The following CNTLN variants were observed in gnomAD, a reference collection of about 807,000 sequenced individuals.
CNTLN encodes the protein centlein, centrosomal protein.
Under a neutral mutation model 180.0 loss-of-function variants are expected in CNTLN, and 212 were observed. The ratio of observed to expected loss-of-function variants is 1.18; its 90% confidence interval spans 1.05 to 1.32. The LOEUF (loss-of-function observed/expected upper bound fraction) is 1.32. Ranked by LOEUF, CNTLN falls within the 40% of genes most tolerant of loss-of-function variation. CNTLN has a pLI of 0.00. For missense variants in CNTLN, 2,095 were observed against 1,610.9 expected, an observed-to-expected ratio of 1.30 and a Z score of -5.14; for synonymous variants, 722 against 563.1, an observed-to-expected ratio of 1.28 and a Z score of -3.99.
At chr9:17,151,968 C>G (rs564011061) in intron 2 of CNTLN, among the ~76,000 whole-genome samples, 1 of 152,262 alleles carries the variant, frequency 6.6e-6, no homozygotes, top group African/African-American at 2.4e-5. Flanking sequence ...ATAGTATTCT[C>G]TGATGGTAGT....
At chr9:17,271,901 C>T (rs1827973712) in intron 5 of CNTLN, among the ~76,000 whole-genome samples, 1 of 152,056 alleles carries the variant, frequency 6.6e-6, no homozygotes, top group African/African-American at 2.4e-5. Flanking sequence ...TTCATTTTAG[C>T]TGCCTGGTTG....
At chr9:17,144,836 ATTTTATTTTTTTTT>A (rs1818338957) in intron 2 of CNTLN, among the ~76,000 whole-genome samples, 1 of 149,492 alleles carries the variant, frequency 6.7e-6, no homozygotes, top group East Asian at 1.9e-4. Context: ...TATTTTTTTT[ATTTTATTTTTTTTT>A]TTGAGACGGA....
chr9:17,356,216 A>G (rs1461701875), intron 12 of CNTLN, among the ~76,000 whole-genome samples: 2 of 152,206 alleles, frequency 1.3e-5, no homozygotes, highest in African/African-American at 4.8e-5. Context: ...TTTTAAAGAA[A>G]GACAATGAAC....
the CNTLN span, among the ~76,000 whole-genome samples, chr9:17,519,136 C>G: frequency 2.1e-5 from 3 of 140,346 alleles, no homozygotes; most frequent in African/African-American, 3.2e-5. Flanking sequence ...TTATGTTTCC[C>G]AGACTGGTCT....
At chr9:17,369,445 C>G (rs1824119850) in intron 13 of CNTLN, among the ~76,000 whole-genome samples, 2 of 151,896 alleles carry the variant, frequency 1.3e-5, no homozygotes, top group Non-Finnish European at 2.9e-5. Flanking sequence ...GGGATCAATA[C>G]TGCAGAAACA....
chr9:17,461,790 A>G (rs1308531774), intron 19 of CNTLN, among the ~76,000 whole-genome samples: 1 of 151,592 alleles, frequency 6.6e-6, no homozygotes, highest in Non-Finnish European at 1.5e-5. Context: ...AACTTAACAA[A>G]TGGATTAATG....
At chr9:17,346,300 A>C (rs533384325) in intron 12 of CNTLN, among the ~76,000 whole-genome samples, 5 of 152,012 alleles carry the variant, frequency 3.3e-5, no homozygotes, top group Non-Finnish European at 5.9e-5. Flanking sequence ...CCCATGATCC[A>C]ATCATGGGGA....
chr9:17,164,311 CAAAAAAAAAA>C (rs774854028), intron 2 of CNTLN, among the ~76,000 whole-genome samples: 1 of 51,782 alleles, frequency 1.9e-5, no homozygotes, highest in African/African-American at 6.9e-5. Flanking sequence ...GACTCTGTCT[CAAAAAAAAAA>C]AAAAAAAAAG....
At chr9:17,267,072 C>G (rs530869148) in intron 5 of CNTLN, among the ~76,000 whole-genome samples, 1 of 152,060 alleles carries the variant, frequency 6.6e-6, no homozygotes, top group Non-Finnish European at 1.5e-5. Flanking sequence ...TGAATTTGGG[C>G]CTGTCATTAT....
chr9:17,304,531 A>G (rs943067171), intron 7 of CNTLN, among the ~76,000 whole-genome samples: 1 of 152,140 alleles, frequency 6.6e-6, no homozygotes, highest in Non-Finnish European at 1.5e-5. Context: ...AGGAGTTAGC[A>G]TATTAAATTA....
chr9:17,299,636 C>T, intron 7 of CNTLN: 1 of 985,392 alleles, frequency 1.0e-6, no homozygotes. Context: ...TCTTCCACTT[C>T]AGCTAGAGCA....
At chr9:17,223,752 T>C (rs913742881) in intron 2 of CNTLN, among the ~76,000 whole-genome samples, 3 of 152,066 alleles carry the variant, frequency 2.0e-5, no homozygotes, top group Non-Finnish European at 1.5e-5. Flanking sequence ...TAGAATGTTA[T>C]ATGTTATTTC....
At chr9:17,185,947 C>T (rs1821411424) in intron 2 of CNTLN, among the ~76,000 whole-genome samples, 1 of 151,946 alleles carries the variant, frequency 6.6e-6, no homozygotes, top group Non-Finnish European at 1.5e-5. Context: ...CGCGCACCAC[C>T]ACACCTGGCT....
chr9:17,289,801 G>C (rs373159008), intron 6 of CNTLN, among the ~76,000 whole-genome samples: 1 of 142,134 alleles, frequency 7.0e-6, no homozygotes, highest in South Asian at 2.5e-4. Flanking sequence ...TTGATCGCAT[G>C]GGCTCCTGAG....
chr9:17,310,272 A>G (rs201175748), intron 8 of CNTLN, among the ~76,000 whole-genome samples: 1 of 152,258 alleles, frequency 6.6e-6, no homozygotes, highest in East Asian at 1.9e-4. Context: ...CAGTTTTATC[A>G]TATACAAATT....
At chr9:17,312,343 T>TTATA (rs1225851796) in intron 8 of CNTLN, among the ~76,000 whole-genome samples, 4,919 of 28,226 alleles carry the variant, frequency 0.17, 243 homozygotes, top group South Asian at 0.32. Flanking sequence ...ATTACTGTAT[T>TTATA]TATATATATA....
intron 3 of CNTLN, among the ~76,000 whole-genome samples, chr9:17,232,995 GAAAA>G: frequency 1.0e-5 from 1 of 98,522 alleles, no homozygotes; most frequent in Non-Finnish European, 1.9e-5. Flanking sequence ...AAATAGAACA[GAAAA>G]GTTAAAAACT....
rs748643057 is a variant in CNTLN at position 17,332,719 on chromosome 9, C to T, written c.1633C>T (p.Leu545=). 1 of 1,599,040 alleles carries T rather than the reference C, an allele frequency of 6.3e-7. No homozygotes were observed. Among genetic ancestry groups the T allele is most frequent in the Non-Finnish European group, 8.5e-7 (1 of 1,174,560 alleles). The change falls in exon 10 of 26, where the codon CTA becomes TTA. Residue 545 remains leucine (L), a synonymous_variant. Coordinates refer to ENST00000380647, the MANE Select transcript of CNTLN (RefSeq NM_017738.4). ...ERKIENLEKA[L]QLKSQENDEL... is the part of the protein sequence containing the mutation. ...AAAGATTGAAAACTTAGAGAAGGCA[C>T]TACAACTAAAGGTGAACATTAAATC...
At chr9:17,284,789 C>G (rs1263578840) in intron 6 of CNTLN, among the ~76,000 whole-genome samples, 1 of 151,840 alleles carries the variant, frequency 6.6e-6, no homozygotes, top group East Asian at 1.9e-4. Context: ...TATTTCTTTT[C>G]TTCTGCTAGT....
Sources: gnomAD v4.1 joint callset for allele counts (sites outside exome capture counted in the v4.1 genomes callset) on GRCh38, gnomAD v4.1.1 for gene constraint, MANE v1.5 for transcripts, NCBI Gene and HGNC (gene_info 2026-07-23, HGNC 2026-07-21) for gene names.